DROSHA: variants seen among roughly 807,000 people sequenced by gnomAD.
The protein encoded by DROSHA is ribonuclease 3.
DROSHA carries 56 observed loss-of-function variants against 181.9 expected under a neutral mutation model. The observed-to-expected ratio is 0.31, with a 90% CI of 0.25 to 0.38. DROSHA has a LOEUF of 0.38. Ranked by LOEUF, DROSHA falls within the 10% of genes least tolerant of loss-of-function variation. DROSHA has a pLI of 1.00. For synonymous variants in DROSHA, 524 were observed against 591.2 expected (o/e 0.89, Z 1.65); for missense variants, 1,218 against 1,743.5 (o/e 0.70, Z 5.37).
chr5:31,427,129 A>G (rs1364159246), intron 27 of DROSHA, among the ~76,000 whole-genome samples: 1 of 152,192 alleles, frequency 6.6e-6, no homozygotes, highest in Non-Finnish European at 1.5e-5. Context: ...TGAGGTGCCC[A>G]GAGGCAACTT....
chr5:31,504,484 A>G lies in DROSHA; in HGVS notation c.1668+71T>C, dbSNP rs1253682601. 5.3e-6 allele frequency: 8 copies of G among 1,496,634 alleles called. No individual in the cohort carries two copies. In the African/African-American group the frequency reaches 1.1e-4, roughly 21 times the overall value. The allele number at this position is 1,496,634 out of a possible 1,614,324, so 92.7% of individuals were successfully genotyped here. ...ATGGTATTATTTCATTTATGGGGGA[A>G]AGAACAGCAACAACATCTGTCTACT... On this transcript the variant is annotated intron_variant, in intron 11 of 35. Coordinates refer to ENST00000344624, the MANE Select transcript of DROSHA (RefSeq NM_001382508.1).
intron 8 of DROSHA, among the ~76,000 whole-genome samples, chr5:31,512,438 G>T (rs1259250490): frequency 6.6e-6 from 1 of 152,128 alleles, no homozygotes; most frequent in Admixed American, 6.5e-5. Context: ...ATTGTTTTAA[G>T]AATAATAACA....
At chr5:31,456,237 T>A (rs1213293349) in intron 20 of DROSHA, among the ~76,000 whole-genome samples, 1 of 152,164 alleles carries the variant, frequency 6.6e-6, no homozygotes, top group Non-Finnish European at 1.5e-5. Context: ...TATTGGTAGA[T>A]AATCACAAGT....
At chr5:31,428,908 T>A (rs1743807740) in intron 27 of DROSHA, among the ~76,000 whole-genome samples, 1 of 152,234 alleles carries the variant, frequency 6.6e-6, no homozygotes, top group Admixed American at 6.5e-5. Flanking sequence ...ATTAATAGCT[T>A]AATATTTAAG....
At chr5:31,471,707 C>T (rs1749751333) in intron 17 of DROSHA, among the ~76,000 whole-genome samples, 1 of 152,100 alleles carries the variant, frequency 6.6e-6, no homozygotes, top group Non-Finnish European at 1.5e-5. Context: ...TCCCGCCCCC[C>T]AACTCTCATC....
rs775929493 is a variant in DROSHA, at chr5:31,406,961, A to G, written c.3855-16T>C. 6.2e-7 allele frequency: 1 copy of G among 1,607,844 alleles called. No homozygotes were observed. Reference sequence around the variant, plus strand: ...CTGCAGAGTCCTGAAAGGGAAAGGAAAGAACATTTATTATGGTAAAGTGTT... The same window carrying G: ...CTGCAGAGTCCTGAAAGGGAAAGGAGAGAACATTTATTATGGTAAAGTGTT... On this transcript the variant is annotated splice_polypyrimidine_tract_variant and intron_variant, in intron 33 of 35. Coordinates refer to ENST00000344624, the MANE Select transcript of DROSHA (RefSeq NM_001382508.1).
At chr5:31,443,147 G>T (rs988605481) in intron 23 of DROSHA, among the ~76,000 whole-genome samples, 1 of 151,042 alleles carries the variant, frequency 6.6e-6, no homozygotes, top group Non-Finnish European at 1.5e-5. Flanking sequence ...AGCCACCCGA[G>T]TAGCTGGGAT....
chr5:31,504,413 T>A (rs896269596), intron 11 of DROSHA, 142 bp downstream of exon 11: 1 of 933,600 alleles, frequency 1.1e-6, no homozygotes, highest in African/African-American at 1.7e-5. Flanking sequence ...TGCTTTCCTC[T>A]GCAATTATCA....
chr5:31,423,647 T>C lies in DROSHA; in HGVS notation c.3262-703A>G, dbSNP rs928907984. Among the ~76,000 whole-genome samples the C allele has an allele frequency of 8.5e-5, 13 of 152,184 alleles. 1 individual carries two copies. Among genetic ancestry groups the C allele is most frequent in the Non-Finnish European group, 2.9e-5 (2 of 68,022 alleles). ...CATTTGCAACAACTTTGGGCACTCA[T>C]GTATTAATAAAATATTTTTAAAGTA... is the stretch of plus-strand genomic sequence containing the variant. On this transcript the variant is annotated intron_variant, in intron 28 of 35. Transcript: ENST00000344624.
chr5:31,425,211 GT>G (rs1332528907), intron 27 of DROSHA, among the ~76,000 whole-genome samples: 4 of 151,246 alleles, frequency 2.6e-5, no homozygotes, highest in East Asian at 1.9e-4. Context: ...AAATATTTAA[GT>G]TTTTTTTTAG....
intron 21 of DROSHA, 23 bp downstream of exon 21, chr5:31,451,510 G>T: frequency 6.3e-7 from 1 of 1,575,896 alleles, no homozygotes. Flanking sequence ...TATTATGTGA[G>T]TTTACAGGAG....
intron 13 of DROSHA, among the ~76,000 whole-genome samples, chr5:31,487,269 T>C (rs1023968802): frequency 3.3e-5 from 5 of 152,114 alleles, no homozygotes; most frequent in Non-Finnish European, 7.4e-5. Context: ...GCGAAGTCTT[T>C]CTCTAGACTC....
intron 5 of DROSHA, among the ~76,000 whole-genome samples, chr5:31,523,440 T>C (rs1219846682): frequency 6.6e-6 from 1 of 152,190 alleles, no homozygotes; most frequent in Admixed American, 6.5e-5. Flanking sequence ...TTCAAACAAA[T>C]ACATAACTCC....
At chr5:31,453,653 T>C (rs757476242) in intron 20 of DROSHA, among the ~76,000 whole-genome samples, 8 of 152,186 alleles carry the variant, frequency 5.3e-5, no homozygotes, top group African/African-American at 7.2e-5. Flanking sequence ...TTGCTTCCTT[T>C]AACCTTTTCT....
chr5:31,518,186 G>T (rs909360635), intron 6 of DROSHA, among the ~76,000 whole-genome samples: 1 of 152,032 alleles, frequency 6.6e-6, no homozygotes, highest in African/African-American at 2.4e-5. Flanking sequence ...GTAACACAGT[G>T]GTAAATATTT....
rs909257318 is a variant in DROSHA at position 31,505,427 on chromosome 5, A to G, written c.1588-792T>C. On this transcript the variant is annotated intron_variant, in intron 10 of 35. Transcript: ENST00000344624. ...TGGCTGCTCCACAAGAGGCACCAGC[A>G]TGCATGAGAAAAGGAGAGAAGGCAG... Among the ~76,000 whole-genome samples, 11 of 152,364 alleles carry G rather than the reference A, an allele frequency of 7.2e-5. No individual in the cohort carries two copies. In the East Asian group the frequency reaches 2.1e-3, roughly 29 times the overall value.
chr5:31,422,939 T>G lies in DROSHA; in HGVS notation c.3267A>C (p.Gln1089His). Residue 1089 changes from glutamine (Q) to histidine (H), a missense_variant, in exon 29 of 36, where the codon CAA becomes CAC. Around this residue, in one of 8 missense-constraint regions of DROSHA, gnomAD observed 71 missense variants for 95.2 expected, o/e 0.75. Transcript: ENST00000344624. ...TAAGTTGTCGATCAGTATTTGGCTC[T>G]TGTAGCTACAGGAAAATAGAAATAA... ...LNYPLHPLQLQEPNTDRQLIE... is the reference protein window; with the variant it reads ...LNYPLHPLQLHEPNTDRQLIE... The G allele has an allele frequency of 6.4e-7, 1 of 1,569,362 alleles. No homozygotes were observed. The highest frequency in any genetic ancestry group is 8.6e-7 in the Non-Finnish European group (1 of 1,163,322).
chr5:31,430,429 T>A (rs1375113887), intron 26 of DROSHA, among the ~76,000 whole-genome samples: 1 of 152,182 alleles, frequency 6.6e-6, no homozygotes, highest in Non-Finnish European at 1.5e-5. Flanking sequence ...GGGGGACAGC[T>A]TAAGGAAGTA....
At chr5:31,440,190 A>G (rs1158854305) in intron 23 of DROSHA, among the ~76,000 whole-genome samples, 2 of 152,158 alleles carry the variant, frequency 1.3e-5, no homozygotes. Context: ...GTCAACTGGG[A>G]GGCCGACCCT....
Sources: allele counts gnomAD v4.1 joint callset (sites outside exome capture counted in the v4.1 genomes callset), GRCh38; gene constraint gnomAD v4.1.1; regional missense constraint gnomAD v4.1.1; transcripts MANE v1.5; gene names NCBI Gene and HGNC (gene_info 2026-07-23, HGNC 2026-07-21).